Variants in RSRP1 observed in about 807,000 individuals in gnomAD.
RSRP1 encodes arginine/serine-rich protein 1.
RSRP1 carries 37 observed loss-of-function variants against 33.0 expected under a neutral mutation model. The ratio of observed to expected loss-of-function variants is 1.12; its 90% CI spans 0.86 to 1.48. RSRP1 has a LOEUF of 1.48. RSRP1 is among the 40% of genes most tolerant of loss of function. The pLI, the probability that RSRP1 is intolerant of heterozygous loss-of-function variation, is 0.00. For synonymous variants in RSRP1, 167 were observed against 158.7 expected (o/e 1.05, Z -0.40); for missense variants, 402 against 385.3 (o/e 1.04, Z -0.36).
intron 1 of RSRP1, chr1:25,272,352 A>G: frequency 4.4e-6 from 3 of 678,012 alleles, no homozygotes; most frequent in Non-Finnish European, 4.8e-6. Flanking sequence ...GAAAACATAC[A>G]TTTCCTCCCC....
At chr1:25,336,664 T>C (rs1460762901) in intron 1 of RSRP1, among the ~76,000 whole-genome samples, 1 of 150,188 alleles carries the variant, frequency 6.7e-6, no homozygotes, top group East Asian at 1.9e-4. Flanking sequence ...CCGCACTCAT[T>C]AGCTATTAAA....
rs1557534310 is a variant in RSRP1 at position 25,295,849 on chromosome 1, AAT to A, written c.-67+42127_-67+42128del. Among the ~76,000 whole-genome samples, 8 of 33,728 alleles carry A rather than the reference AAT, an allele frequency of 2.4e-4. 1 individual carries two copies. The highest frequency in any genetic ancestry group is 4.2e-4 in the Non-Finnish European group (4 of 9,512). The allele number at this position is 33,728 out of a possible 152,430, so 22.1% of individuals were successfully genotyped here. A position where few individuals can be genotyped will look rare whatever the true frequency, so the allele number is the denominator to read the frequency against. ...CAATGGTCTGGGAGGGAATATGGGAAATTTTTTTTTTTTTTTTTTTTTTTTTT... is the reference window on the plus strand; with the variant it reads ...CAATGGTCTGGGAGGGAATATGGGAATTTTTTTTTTTTTTTTTTTTTTTTT... On this transcript the variant is annotated intron_variant, in intron 1 of 1. Coordinates refer to the RSRP1 transcript ENST00000561867.
intron 1 of RSRP1, among the ~76,000 whole-genome samples, chr1:25,311,470 A>T (rs1644143744): frequency 7.7e-6 from 1 of 130,392 alleles, no homozygotes; most frequent in African/African-American, 2.6e-5. Context: ...GCTTGCAGTG[A>T]GCCAAGATCG....
intron 1 of RSRP1, among the ~76,000 whole-genome samples, chr1:25,314,811 TA>T: frequency 7.6e-6 from 1 of 132,368 alleles, no homozygotes; most frequent in South Asian, 2.3e-4. Flanking sequence ...GCCCACCTTT[TA>T]CTTTCTTAAT....
chr1:25,329,197 G>C lies in RSRP1; in HGVS notation c.-67+8781C>G, dbSNP rs1644929249. 8.2e-6 allele frequency: 6 copies of C among 733,800 alleles called. 1 individual carries two copies. The Admixed American group carries it at 1.5e-4, about 18-fold the overall frequency. The allele number at this position is 733,800 out of a possible 1,614,324, so 45.5% of individuals were successfully genotyped here. On this transcript the variant is annotated intron_variant, in intron 1 of 1. Coordinates refer to the RSRP1 transcript ENST00000561867. ...AACAACAGACTGCATATATGATGGTGGTCATCCAGTAAGCTAAGGTTAATT... is the reference window on the plus strand; with the variant it reads ...AACAACAGACTGCATATATGATGGTCGTCATCCAGTAAGCTAAGGTTAATT...
In RSRP1 at chr1:25,288,315, C is replaced by T. The variant is rs187716864; in HGVS notation, c.-66-41286G>A. Reference sequence around the variant, plus strand: ...TTACAGCCTCCTGAGTAGCTGAGACCACAGGCACACACCACCACACCTAGC... The same window carrying T: ...TTACAGCCTCCTGAGTAGCTGAGACTACAGGCACACACCACCACACCTAGC... On this transcript the variant is annotated intron_variant, in intron 1 of 1. Transcript: ENST00000561867. Among the ~76,000 whole-genome samples, 28 of 126,964 alleles carry T rather than the reference C, an allele frequency of 2.2e-4. 8 individuals are homozygous for T. In the Middle Eastern group the frequency reaches 0.013, roughly 58 times the overall value. The allele number at this position is 126,964 out of a possible 152,430, so 83.3% of individuals were successfully genotyped here.
chr1:25,248,126 T>C (rs964223110), upstream of RSRP1: 3 of 152,236 alleles, frequency 2.0e-5, no homozygotes, highest in Non-Finnish European at 4.4e-5. Context: ...TTCCATGTTT[T>C]GGCTAGGAAG....
rs572582771 is a variant in RSRP1 at position 25,311,398 on chromosome 1, G to A, written c.-67+26580C>T. 1.3e-3 allele frequency among the ~76,000 whole-genome samples: 176 copies of A among 130,696 alleles called. 24 individuals are homozygous for A. The highest frequency in any genetic ancestry group is 4.2e-3 in the African/African-American group (163 of 38,450). 85.7% of individuals were successfully genotyped at this position (130,696 alleles called of 152,430 possible). On this transcript the variant is annotated intron_variant, in intron 1 of 1. Coordinates refer to the RSRP1 transcript ENST00000561867. Reference sequence around the variant, plus strand: ...AAATTAGCCAGGCGTGGTGGTGGGCGCCTGTATTCCCAGCTACCTGGGAGG... The same window carrying A: ...AAATTAGCCAGGCGTGGTGGTGGGCACCTGTATTCCCAGCTACCTGGGAGG...
At chr1:25,251,313 G>T (rs1639773129), upstream of RSRP1, among the ~76,000 whole-genome samples, 1 of 152,056 alleles carries the variant, frequency 6.6e-6, no homozygotes, top group African/African-American at 2.4e-5. Flanking sequence ...TAACATTATG[G>T]TTATTTATTA....
At chr1:25,332,138 G>GC (rs1262521833) in intron 1 of RSRP1, among the ~76,000 whole-genome samples, 1 of 123,902 alleles carries the variant, frequency 8.1e-6, no homozygotes, top group Non-Finnish European at 1.9e-5. Flanking sequence ...CCATGTTCAA[G>GC]CGATTCTCCC....
intron 1 of RSRP1, among the ~76,000 whole-genome samples, chr1:25,269,001 T>A (rs1351764949): frequency 7.9e-6 from 1 of 126,764 alleles, no homozygotes; most frequent in Non-Finnish European, 1.9e-5. Flanking sequence ...GAGAAGGGGA[T>A]GGTGGAGGAT....
chr1:25,321,459 G>A (rs1204830270), intron 1 of RSRP1, among the ~76,000 whole-genome samples: 1 of 114,810 alleles, frequency 8.7e-6, no homozygotes, highest in African/African-American at 2.9e-5. Flanking sequence ...TCGGGAGTTC[G>A]AGACCAGCCT....
In RSRP1 at chr1:25,271,500, A is replaced by G. The variant is rs372587484; in HGVS notation, c.-66-24471T>C. ...TTACACTCAGTGGCCAGTGGCTGGG[A>G]CCATTGTAGAAAATAAGGAAACTCC... On this transcript the variant is annotated intron_variant, in intron 1 of 1. Transcript: ENST00000561867. Among the ~76,000 whole-genome samples, 4 of 131,856 alleles carry G rather than the reference A, an allele frequency of 3.0e-5. 1 individual carries two copies. The highest frequency in any genetic ancestry group is 4.6e-4 in the South Asian group (2 of 4,304). 86.5% of individuals were successfully genotyped at this position (131,856 alleles called of 152,430 possible). A position where few individuals can be genotyped will look rare whatever the true frequency, so the allele number is the denominator to read the frequency against.
chr1:25,297,662 C>T (rs954242954), intron 1 of RSRP1, among the ~76,000 whole-genome samples: 1 of 132,192 alleles, frequency 7.6e-6, no homozygotes, highest in Admixed American at 7.4e-5. Context: ...TCACCATGGG[C>T]TCCTGGATTC....
rs1464759749 is a variant in RSRP1 at position 25,244,662 on chromosome 1, T to C, written c.672+488A>G. The stretch of plus-strand genomic sequence containing the variant: ...CCAGCTAATAACGGTGTTATAAGAG[T>C]ACACTGTTAACTGAAAATGAAAAAA... On this transcript the variant is annotated intron_variant, in intron 3 of 4. Coordinates refer to ENST00000243189, the MANE Select transcript of RSRP1 (RefSeq NM_020317.5). 2.5e-6 allele frequency: 3 copies of C among 1,210,960 alleles called. No homozygotes were observed. In the East Asian group the frequency reaches 1.7e-4, roughly 69 times the overall value. The allele number at this position is 1,210,960 out of a possible 1,614,324, so 75.0% of individuals were successfully genotyped here.
At chr1:25,296,492 G>A (rs1375336149) in intron 1 of RSRP1, among the ~76,000 whole-genome samples, 10 of 123,432 alleles carry the variant, frequency 8.1e-5, no homozygotes, top group African/African-American at 2.7e-4. Flanking sequence ...TGATCCACCT[G>A]TCTCAGCCTC....
chr1:25,242,613 T>A lies in RSRP1; in HGVS notation c.849A>T (p.Pro283=). ...RSPKIDQKKS[P]YGLWIPI ...TTTAGATAGGTATCCACAGTCCATA[T>A]GGACTTTTTTTCTGATCTATTTTTG... The change falls in exon 5 of 5, where the codon CCA becomes CCT. Residue 283 remains proline, a synonymous_variant. Transcript: ENST00000243189. 1 of 1,611,856 alleles carries A rather than the reference T, an allele frequency of 6.2e-7. No individual in the cohort carries two copies. Among genetic ancestry groups the A allele is most frequent in the South Asian group, 1.1e-5 (1 of 90,956 alleles).
chr1:25,244,128 G>GC (rs758218980), intron 3 of RSRP1: 6 of 1,282,732 alleles, frequency 4.7e-6, no homozygotes, highest in Non-Finnish European at 6.1e-6. Context: ...AAAGTACAGT[G>GC]CAATTTGCTA....
rs1336743544 is a variant in RSRP1, at chr1:25,313,090, G to A, written c.-67+24888C>T. ...TTAATCTCCAAATTCATATGTTGAT[G>A]AAATTGGAGGTGAAGCCTTTGGGAG... On this transcript the variant is annotated intron_variant, in intron 1 of 1. Coordinates refer to the RSRP1 transcript ENST00000561867. Among the ~76,000 whole-genome samples, 6 of 128,448 alleles carry A rather than the reference G, an allele frequency of 4.7e-5. 3 individuals are homozygous for A. Among genetic ancestry groups the A allele is most frequent in the Admixed American group, 1.5e-4 (2 of 13,058 alleles). The allele number at this position is 128,448 out of a possible 152,430, so 84.3% of individuals were successfully genotyped here.
Sources: allele counts gnomAD v4.1 joint callset (sites outside exome capture counted in the v4.1 genomes callset), GRCh38; gene constraint gnomAD v4.1.1; transcripts MANE v1.5; gene names NCBI Gene and HGNC (gene_info 2026-07-23, HGNC 2026-07-21).